The following EGFL6 variants were observed in gnomAD, a reference collection of about 807,000 sequenced individuals.
EGFL6 encodes the protein EGF like domain multiple 6.
EGFL6 carries 42 observed loss-of-function variants against 43.1 expected under a neutral mutation model. That is an observed-to-expected ratio of 0.98 (90% CI 0.76 to 1.26). The LOEUF (loss-of-function observed/expected upper bound fraction) is 1.26. EGFL6 is among the 50% of genes most tolerant of loss of function. The pLI is 0.00. For missense variants in EGFL6, 429 were observed against 427.8 expected, an observed-to-expected ratio of 1.00 and a Z score of -0.02; for synonymous variants, 164 against 163.2, an observed-to-expected ratio of 1.01 and a Z score of -0.04.
intron 11 of EGFL6, among the ~76,000 whole-genome samples, chrX:13,629,571 G>T (rs191484743): frequency 9.0e-6 from 1 of 111,444 alleles, no homozygotes; most frequent in Non-Finnish European, 1.9e-5. Context: ...TTGATGGGGG[G>T]ATATTGAAGG....
intron 11 of EGFL6, among the ~76,000 whole-genome samples, chrX:13,628,935 G>A (rs191165310): frequency 4.4e-4 from 50 of 112,754 alleles, no homozygotes; most frequent in Admixed American, 1.9e-3. Flanking sequence ...CCATGTATTG[G>A]GATTCCATTT....
chrX:13,603,484 C>T (rs754587307), intron 5 of EGFL6, 48 bp downstream of exon 5: 2 of 1,129,230 alleles, frequency 1.8e-6, no homozygotes, highest in East Asian at 6.2e-5. Context: ...TCCCTTGACT[C>T]CCCTTTTACT....
chrX:13,624,063 C>T (rs750713948), intron 10 of EGFL6, 138 bp downstream of exon 10: 2 of 457,910 alleles, frequency 4.4e-6, no homozygotes, highest in Admixed American at 7.7e-5. Flanking sequence ...ACCTTCTGAG[C>T]TCTCCCTTGA....
chrX:13,588,206 C>T (rs1444129406), intron 1 of EGFL6, among the ~76,000 whole-genome samples: 1 of 112,642 alleles, frequency 8.9e-6, no homozygotes, highest in Non-Finnish European at 1.9e-5. Flanking sequence ...TTGGTGCTCT[C>T]AGTAAATGAA....
At position 13,569,922 on chromosome X, in the gene EGFL6, G is replaced by A; in HGVS notation, c.61G>A (p.Gly21Arg). The change falls in exon 1 of 12, where the codon GGG becomes AGG. Residue 21 changes from glycine (G) to arginine (R), a missense_variant. Coordinates refer to ENST00000361306, the MANE Select transcript of EGFL6 (RefSeq NM_015507.4). ...LLLSWVAGGFGNAASARHHGL... is the reference protein window; with the variant it reads ...LLLSWVAGGFRNAASARHHGL... ...GCTCTCCTGGGTGGCAGGTGGTTTC[G>A]GGAACGCGGCCAGGTGAGTGTCTGA... 1 of 1,211,684 alleles carries A rather than the reference G, an allele frequency of 8.3e-7. No individual in the cohort carries two copies. The highest frequency in any genetic ancestry group is 1.1e-6 in the Non-Finnish European group (1 of 895,197).
At chrX:13,631,111 A>G (rs1257754216) in intron 11 of EGFL6, among the ~76,000 whole-genome samples, 1 of 112,547 alleles carries the variant, frequency 8.9e-6, no homozygotes, top group African/African-American at 3.2e-5. Flanking sequence ...TGCGTAGGCT[A>G]TTGTTGAATT....
intron 1 of EGFL6, among the ~76,000 whole-genome samples, chrX:13,578,737 C>A (rs2045489026): frequency 9.2e-6 from 1 of 109,047 alleles, no homozygotes; most frequent in African/African-American, 3.4e-5. Flanking sequence ...AATGAGAACA[C>A]TTGGACACAG....
chrX:13,574,988 A>T (rs887921881), intron 1 of EGFL6: 2 of 115,404 alleles, frequency 1.7e-5, no homozygotes, highest in African/African-American at 6.5e-5. Flanking sequence ...AATACTACAG[A>T]TTCTGCACAC....
At chrX:13,593,220 A>T (rs1015331402) in intron 2 of EGFL6, among the ~76,000 whole-genome samples, 1 of 111,256 alleles carries the variant, frequency 9.0e-6, no homozygotes, top group Non-Finnish European at 1.9e-5. Flanking sequence ...TGGCCAGATC[A>T]TGCTAGTTTT....
At chrX:13,606,923 C>A (rs1417883400) in intron 6 of EGFL6, among the ~76,000 whole-genome samples, 1 of 112,003 alleles carries the variant, frequency 8.9e-6, no homozygotes, top group Non-Finnish European at 1.9e-5. Context: ...TCTCAGTGAT[C>A]TGTTTATAAC....
At chrX:13,616,408 G>A (rs2045717719) in intron 7 of EGFL6, among the ~76,000 whole-genome samples, 2 of 111,259 alleles carry the variant, frequency 1.8e-5, no homozygotes, top group South Asian at 7.4e-4. Context: ...TCAGGGGTTC[G>A]AGACTAGCCT....
chrX:13,627,109 TTC>T lies in EGFL6; in HGVS notation c.1386_1387del (p.Phe462LeufsTer5). 4.9e-6 allele frequency: 6 copies of T among 1,212,209 alleles called. No homozygotes were observed. Among genetic ancestry groups the T allele is most frequent in the Non-Finnish European group, 6.7e-6 (6 of 895,646 alleles). ...ACCTGACCTGCAACCCCAAAGCAAC[TTC>T]TGTTTGCTCTTTGATTACCGGCTGG... ...LLPDLQPQSNFCLLFDYRLAG... is the reference protein window; with the variant it reads ...LLPDLQPQSNXCLLFDYRLAG... On this transcript the variant is annotated frameshift_variant, in exon 11 of 12. Transcript: ENST00000361306. LOFTEE classifies it high-confidence loss of function.
intron 7 of EGFL6, among the ~76,000 whole-genome samples, chrX:13,614,673 G>A (rs761838460): frequency 9.0e-6 from 1 of 111,289 alleles, no homozygotes; most frequent in South Asian, 3.8e-4. Flanking sequence ...AAACTGGCCT[G>A]TGAACCTGAA....
At chrX:13,586,317 T>C (rs1404210041) in intron 1 of EGFL6, among the ~76,000 whole-genome samples, 1 of 112,193 alleles carries the variant, frequency 8.9e-6, no homozygotes, top group Non-Finnish European at 1.9e-5. Context: ...TATAGCCATG[T>C]TGGAAAACAG....
In EGFL6 at chrX:13,608,349, C is replaced by A. The variant is rs752317655; in HGVS notation, c.681C>A (p.Ser227Arg). ...ATATAAATGAATGTACTATGGATAG[C>A]CATACGTGCAGCCACCATGCCAATT... is the stretch of plus-strand genomic sequence containing the variant. Reference protein sequence around the residue: ...CIDINECTMDSHTCSHHANCF... With the variant: ...CIDINECTMDRHTCSHHANCF... The change falls in exon 7 of 12, where the codon AGC becomes AGA. Residue 227 changes from serine (S) to arginine (R), a missense_variant. Physicochemically the swap from Ser to Arg is moderately radical, Grantham distance 110. Coordinates refer to ENST00000361306, the MANE Select transcript of EGFL6 (RefSeq NM_015507.4). 1.5e-4 allele frequency: 178 copies of A among 1,209,043 alleles called. 1 individual carries two copies. Among genetic ancestry groups the A allele is most frequent in the Non-Finnish European group, 1.8e-4 (159 of 894,726 alleles).
chrX:13,607,591 C>T (rs1340824873), intron 6 of EGFL6, among the ~76,000 whole-genome samples: 1 of 111,742 alleles, frequency 8.9e-6, no homozygotes, highest in Non-Finnish European at 1.9e-5. Flanking sequence ...AGAGTTTAAT[C>T]CTGTTTCCTG....
chrX:13,592,911 T>A (rs77161692), intron 2 of EGFL6, among the ~76,000 whole-genome samples: 4,293 of 86,192 alleles, frequency 0.05, 243 homozygotes, highest in African/African-American at 0.16. Context: ...TCAGGCTAGG[T>A]TCTTTCTTTT....
intron 11 of EGFL6, among the ~76,000 whole-genome samples, chrX:13,628,372 T>A (rs1470954289): frequency 1.8e-5 from 2 of 108,392 alleles, no homozygotes; most frequent in Non-Finnish European, 3.8e-5. Flanking sequence ...TGGCAAAGAG[T>A]CTATTCAGTT....
chrX:13,600,119 C>T (rs1190198688), intron 4 of EGFL6, 25 bp downstream of exon 4: 17 of 1,204,831 alleles, frequency 1.4e-5, no homozygotes, highest in Non-Finnish European at 1.9e-5. Flanking sequence ...CCAGGCTGAT[C>T]TCAGTCAATG....
Sources: gnomAD v4.1 joint callset for allele counts (sites outside exome capture counted in the v4.1 genomes callset) on GRCh38, gnomAD v4.1.1 for gene constraint, MANE v1.5 for transcripts, NCBI Gene and HGNC (gene_info 2026-07-23, HGNC 2026-07-21) for gene names.